NRXN1: variants seen among roughly 807,000 people sequenced by gnomAD.
The protein encoded by NRXN1 is neurexin-1.
NRXN1 carries 39 observed loss-of-function variants against 150.9 expected under a neutral mutation model. That is an observed-to-expected ratio of 0.26 (90% CI 0.20 to 0.34). NRXN1 has a LOEUF of 0.34. NRXN1 is among the 10% of genes least tolerant of loss of function. NRXN1 has a pLI of 1.00. For missense variants in NRXN1, 1,815 were observed against 1,949.9 expected (o/e 0.93, Z 1.30); for synonymous variants, 924 against 757.0 (o/e 1.22, Z -3.62).
intron 17 of NRXN1, among the ~76,000 whole-genome samples, chr2:50,423,584 T>TC (rs2104285074): frequency 1.3e-5 from 2 of 152,234 alleles, no homozygotes; most frequent in African/African-American, 4.8e-5. Flanking sequence ...TTAATTTTTT[T>TC]CATAATTAAT....
At chr2:50,857,212 A>G (rs952998734) in intron 5 of NRXN1, among the ~76,000 whole-genome samples, 4 of 152,066 alleles carry the variant, frequency 2.6e-5, no homozygotes, top group East Asian at 1.9e-4. Context: ...CTCTGAGTCA[A>G]TATTAAGAAA....
chr2:50,645,565 G>T (rs1407190489), intron 5 of NRXN1, among the ~76,000 whole-genome samples: 1 of 151,926 alleles, frequency 6.6e-6, no homozygotes, highest in Non-Finnish European at 1.5e-5. Flanking sequence ...CATGGTGATT[G>T]TTTACCACTG....
chr2:49,992,885 C>A (rs1231070171), intron 21 of NRXN1, among the ~76,000 whole-genome samples: 1 of 152,106 alleles, frequency 6.6e-6, no homozygotes. Context: ...TTAGAATGAC[C>A]AAAATCTGGA....
At chr2:50,979,195 G>A in intron 2 of NRXN1, 1 of 502,452 alleles carries the variant, frequency 2.0e-6, no homozygotes, top group South Asian at 1.5e-5. Flanking sequence ...TTTAATTACA[G>A]AAAGTAAGCG....
intron 5 of NRXN1, chr2:50,898,603 C>T: frequency 2.1e-6 from 1 of 487,130 alleles, no homozygotes; most frequent in South Asian, 1.5e-5. Flanking sequence ...TTCAACTTTG[C>T]TGTAATATTC....
At chr2:49,925,560 C>T (rs1016097149) in intron 22 of NRXN1, among the ~76,000 whole-genome samples, 4 of 151,918 alleles carry the variant, frequency 2.6e-5, no homozygotes, top group Non-Finnish European at 5.9e-5. Context: ...GCAGTCATCT[C>T]ATCCATTTAC....
intron 17 of NRXN1, among the ~76,000 whole-genome samples, chr2:50,385,126 A>ACC (rs1185172017): frequency 1.3e-5 from 2 of 152,174 alleles, no homozygotes; most frequent in African/African-American, 4.8e-5. Flanking sequence ...TAATCCAAAC[A>ACC]CCCCCAAGCT....
chr2:50,072,550 G>C (rs1464883086), intron 19 of NRXN1, among the ~76,000 whole-genome samples: 1 of 144,642 alleles, frequency 6.9e-6, no homozygotes, highest in Admixed American at 6.9e-5. Context: ...AAAAGAAAAA[G>C]TGATTTTGAG....
At chr2:50,972,975 G>A (rs1695252494) in intron 2 of NRXN1, among the ~76,000 whole-genome samples, 1 of 152,182 alleles carries the variant, frequency 6.6e-6, no homozygotes, top group Non-Finnish European at 1.5e-5. Context: ...TTAACTCAGT[G>A]GCCCTGTCCT....
At chr2:50,751,760 T>C (rs1700621722) in intron 5 of NRXN1, among the ~76,000 whole-genome samples, 1 of 151,992 alleles carries the variant, frequency 6.6e-6, no homozygotes, top group South Asian at 2.1e-4. Flanking sequence ...AAATTAATCA[T>C]TTAATTAAAT....
At chr2:50,906,877 C>T (rs1044389967) in intron 5 of NRXN1, among the ~76,000 whole-genome samples, 3 of 151,934 alleles carry the variant, frequency 2.0e-5, no homozygotes, top group Non-Finnish European at 4.4e-5. Context: ...TCAGAACATA[C>T]CCCAAAGTAT....
chr2:50,644,450 C>A (rs1231109352), intron 5 of NRXN1, among the ~76,000 whole-genome samples: 1 of 151,476 alleles, frequency 6.6e-6, no homozygotes, highest in African/African-American at 2.4e-5. Context: ...CTATCAAAAG[C>A]AAAAGAAATA....
At chr2:50,373,713 G>A (rs930760767) in intron 17 of NRXN1, among the ~76,000 whole-genome samples, 181 of 141,388 alleles carry the variant, frequency 1.3e-3, no homozygotes, top group African/African-American at 4.7e-3. Context: ...GAAAGAAAGA[G>A]AAAGAAAGAC....
chr2:50,316,300 C>G (rs908231546), intron 17 of NRXN1, among the ~76,000 whole-genome samples: 1 of 152,028 alleles, frequency 6.6e-6, no homozygotes, highest in Admixed American at 6.6e-5. Flanking sequence ...TCACCTCTCC[C>G]TCCACTGAGG....
At chr2:50,414,690 C>A (rs866513452) in intron 17 of NRXN1, among the ~76,000 whole-genome samples, 2 of 151,750 alleles carry the variant, frequency 1.3e-5, no homozygotes, top group African/African-American at 4.8e-5. Context: ...AAATGATAAG[C>A]TTAAAAGAAA....
chr2:50,219,953 AAT>A (rs1491163853), intron 18 of NRXN1, among the ~76,000 whole-genome samples: 51 of 62,376 alleles, frequency 8.2e-4, no homozygotes, highest in African/African-American at 5.3e-3. Context: ...TTATATATAT[AAT>A]ATATATATTA....
intron 21 of NRXN1, among the ~76,000 whole-genome samples, chr2:50,039,414 C>G (rs141071309): frequency 6.6e-6 from 1 of 152,170 alleles, no homozygotes; most frequent in Non-Finnish European, 1.5e-5. Flanking sequence ...TGCAGTGAGC[C>G]GAGATCATGC....
intron 17 of NRXN1, among the ~76,000 whole-genome samples, chr2:50,316,773 C>T (rs1025233217): frequency 6.6e-6 from 1 of 151,794 alleles, no homozygotes; most frequent in Non-Finnish European, 1.5e-5. Flanking sequence ...ATATGTCTTC[C>T]TTCTTTAGGA....
intron 19 of NRXN1, among the ~76,000 whole-genome samples, chr2:50,063,033 C>G (rs1388533275): frequency 6.6e-6 from 1 of 152,070 alleles, no homozygotes; most frequent in Admixed American, 6.6e-5. Context: ...AGATTAGTAA[C>G]CTGTGTACAG....
Sources: gnomAD v4.1 joint callset for allele counts (sites outside exome capture counted in the v4.1 genomes callset) on GRCh38, gnomAD v4.1.1 for gene constraint, MANE v1.5 for transcripts, NCBI Gene and HGNC (gene_info 2026-07-23, HGNC 2026-07-21) for gene names.